The following WDR36 variants were observed in gnomAD, a reference collection of about 807,000 sequenced individuals.
The protein encoded by WDR36 is WD repeat-containing protein 36.
WDR36 carries 63 observed loss-of-function variants against 112.7 expected under a neutral mutation model. The observed-to-expected ratio is 0.56, with a 90% CI of 0.46 to 0.69. The LOEUF (loss-of-function observed/expected upper bound fraction) is 0.69, where lower values mean the gene tolerates loss of function less well. Ranked by LOEUF, WDR36 falls within the 30% of genes least tolerant of loss-of-function variation. WDR36 has a pLI of 0.00. For synonymous variants in WDR36, 410 were observed against 362.2 expected (o/e 1.13, Z -1.50); for missense variants, 1,226 against 1,070.3 (o/e 1.15, Z -2.03).
At chr5:111,095,226 A>C in intron 2 of WDR36, 1 of 341,658 alleles carries the variant, frequency 2.9e-6, no homozygotes, top group Admixed American at 4.4e-5. Flanking sequence ...CTCATTTAGA[A>C]TGTCCTTCAG....
Position 111,124,160 on chromosome 5 carries a change from A to C in WDR36, c.2321A>C (p.Lys774Thr). 2 of 1,612,706 alleles carry C rather than the reference A, an allele frequency of 1.2e-6. No individual in the cohort carries two copies. Among genetic ancestry groups the C allele is most frequent in the Non-Finnish European group, 1.7e-6 (2 of 1,179,458 alleles). ...VLAQKSDFCL[K>T]LEEGLVNNKY... ...GCTCAAAAATCAGATTTCTGCTTGA[A>C]ACTTGAAGAAGGACTGGTAAATAAT... Residue 774 changes from lysine to threonine, a missense_variant, in exon 21 of 23, where the codon AAA (lysine) becomes ACA (threonine). By Grantham distance (78) the Lys-to-Thr change is moderately conservative. Coordinates refer to ENST00000513710, the MANE Select transcript of WDR36 (RefSeq NM_139281.3).
At chr5:111,096,331 A>T (rs1752979436) in intron 2 of WDR36, among the ~76,000 whole-genome samples, 1 of 152,202 alleles carries the variant, frequency 6.6e-6, no homozygotes, top group African/African-American at 2.4e-5. Flanking sequence ...GGGTTGGTCC[A>T]AAGGGTAGAG....
intron 21 of WDR36, among the ~76,000 whole-genome samples, chr5:111,125,212 C>A (rs1360255740): frequency 6.6e-6 from 1 of 152,124 alleles, no homozygotes; most frequent in African/African-American, 2.4e-5. Context: ...AATTATTTTA[C>A]CTCATCAGAT....
chr5:111,099,100 T>C (rs1424548635), intron 4 of WDR36, among the ~76,000 whole-genome samples: 2 of 152,186 alleles, frequency 1.3e-5, no homozygotes, highest in Admixed American at 6.5e-5. Context: ...ACTTTAATGA[T>C]TTGTTGTATT....
At chr5:111,102,430 A>G (rs763076236) in intron 6 of WDR36, 31 bp downstream of exon 6, 4 of 1,597,302 alleles carry the variant, frequency 2.5e-6, no homozygotes, top group Non-Finnish European at 3.4e-6. Context: ...TCAAAGAGGA[A>G]CAAAGTTAAT....
chr5:111,102,359 C>T lies in WDR36; in HGVS notation c.557C>T (p.Thr186Ile). The change falls in exon 6 of 23, where the codon ACA becomes ATA. Residue 186 changes from threonine (T) to isoleucine (I), a missense_variant. Thr to Ile is a moderately conservative substitution (Grantham distance 89). Coordinates refer to ENST00000513710, the MANE Select transcript of WDR36 (RefSeq NM_139281.3). ...TCTTCTTGTAGTAAACTTCTATATACATTTCCAGGATGGAAAGTTGGAGTG... is the reference window on the plus strand; with the variant it reads ...TCTTCTTGTAGTAAACTTCTATATATATTTCCAGGATGGAAAGTTGGAGTG... ...WNVKSNKLLY[T>I]FPGWKVGVTA... The T allele has an allele frequency of 6.2e-7, 1 of 1,608,148 alleles. No homozygotes were observed. Among genetic ancestry groups the T allele is most frequent in the Non-Finnish European group, 8.5e-7 (1 of 1,176,866 alleles).
chr5:111,105,432 G>T, intron 10 of WDR36, 72 bp downstream of exon 10: 2 of 1,410,724 alleles, frequency 1.4e-6, no homozygotes, highest in Non-Finnish European at 2.0e-6. Flanking sequence ...ACAACTGGAG[G>T]AAGTTTCATC....
At chr5:111,102,740 A>G (rs17132783) in intron 6 of WDR36, among the ~76,000 whole-genome samples, 6,343 of 151,762 alleles carry the variant, frequency 0.042, 443 homozygotes, top group African/African-American at 0.14. Context: ...ATTGTAAGTC[A>G]TGTAGAGAAA....
In WDR36 at chr5:111,125,685, T is replaced by A. The variant is rs757738181; in HGVS notation, c.2428T>A (p.Cys810Ser). 2.5e-6 allele frequency: 4 copies of A among 1,613,786 alleles called. No individual in the cohort carries two copies. The highest frequency in any genetic ancestry group is 3.4e-6 in the Non-Finnish European group (4 of 1,179,878). ...AGAGCTGCGAAGCTTGTCTCCTGAT[T>A]GTGGTGGGTCCATAGAAGTTATGCA... ...ETELRSLSPD[C>S]GGSIEVMQSF... is the part of the protein sequence containing the mutation. Residue 810 changes from cysteine to serine, a missense_variant, in exon 22 of 23, where the codon TGT (cysteine) becomes AGT (serine). By Grantham distance (112) the Cys-to-Ser change is moderately radical. Transcript: ENST00000513710.
Position 111,128,840 on chromosome 5 carries a change from C to T in WDR36, c.*1957C>T, listed in dbSNP as rs1389952149. 1.1e-5 allele frequency: 2 copies of T among 186,330 alleles called. No homozygotes were observed. Among genetic ancestry groups the T allele is most frequent in the Admixed American group, 1.2e-4 (2 of 16,098 alleles). 11.5% of individuals were successfully genotyped at this position (186,330 alleles called of 1,614,324 possible). ...ACACTCTTTCAGTTTTTTAATTACT[C>T]ATGTAATATATGACTACATTTTGCT... On this transcript the variant is annotated 3_prime_UTR_variant, in exon 23 of 23. Transcript: ENST00000513710.
intron 22 of WDR36, among the ~76,000 whole-genome samples, chr5:111,126,469 T>G (rs1753680728): frequency 6.6e-6 from 1 of 152,158 alleles, no homozygotes. Context: ...CTTGATCTGA[T>G]TATTTAAAAG....
At chr5:111,122,242 A>T (rs12518809) in intron 19 of WDR36, among the ~76,000 whole-genome samples, 2,786 of 152,288 alleles carry the variant, frequency 0.018, 72 homozygotes, top group Admixed American at 0.075. Flanking sequence ...CAAATAGATT[A>T]GTGTGAGGGG....
chr5:111,107,315 G>T lies in WDR36; in HGVS notation c.1202G>T (p.Trp401Leu), dbSNP rs1472419826. The T allele has an allele frequency of 6.2e-7, 1 of 1,610,190 alleles. No homozygotes were observed. Among genetic ancestry groups the T allele is most frequent in the Non-Finnish European group, 8.5e-7 (1 of 1,177,486 alleles). Residue 401 changes from tryptophan (W) to leucine (L), a missense_variant, in exon 12 of 23, where the codon TGG (tryptophan) becomes TTG (leucine). Physicochemically the swap from Trp to Leu is moderately conservative, Grantham distance 61 (BLOSUM62 -2). Transcript: ENST00000513710. ...TTAGAGGAAGCTCGTGAAAGTGACT[G>T]GGATGGTATCATTGCTTGCCATCAA... is the stretch of plus-strand genomic sequence containing the variant. ...FAAEEARESD[W>L]DGIIACHQGK...
At position 111,104,079 on chromosome 5, in the gene WDR36, T is replaced by C. The variant is rs892056579; in HGVS notation, c.731-98T>C. The C allele has an allele frequency of 2.8e-6, 4 of 1,411,264 alleles. No individual in the cohort carries two copies. The African/African-American group carries it at 5.8e-5, about 20-fold the overall frequency. The allele number at this position is 1,411,264 out of a possible 1,614,324, so 87.4% of individuals were successfully genotyped here. A position where few individuals can be genotyped will look rare whatever the true frequency, so the allele number is the denominator to read the frequency against. On this transcript the variant is annotated intron_variant, in intron 7 of 22. Transcript: ENST00000513710. ...GAATAGATTATTGGTATATAGTTTT[T>C]TTCTAACTTTATGGATTAAAAGGGA...
chr5:111,104,117 T>A lies in WDR36; in HGVS notation c.731-60T>A, dbSNP rs1335618224. 2.7e-6 allele frequency: 4 copies of A among 1,496,294 alleles called. No homozygotes were observed. In the African/African-American group the frequency reaches 4.2e-5, roughly 16 times the overall value. 92.7% of individuals were successfully genotyped at this position (1,496,294 alleles called of 1,614,324 possible). On this transcript the variant is annotated intron_variant, in intron 7 of 22. Transcript: ENST00000513710. ...GGATTAAAAGGGAAGAGAGAAGAAT[T>A]CTTGTTTATTTTGGGGGATCTAGAA...
chr5:111,097,042 A>C, intron 2 of WDR36, 37 bp from the exon 3 acceptor site: 1 of 1,516,680 alleles, frequency 6.6e-7, no homozygotes, highest in South Asian at 1.1e-5. Context: ...TAACATCTTA[A>C]AAATCCCTGT....
At position 111,127,752 on chromosome 5, in the gene WDR36, G is replaced by A. The variant is rs956337245; in HGVS notation, c.*869G>A. 1.3e-4 allele frequency: 27 copies of A among 210,704 alleles called. No homozygotes were observed. The highest frequency in any genetic ancestry group is 4.3e-4 in the African/African-American group (19 of 44,112). The allele number at this position is 210,704 out of a possible 1,614,324, so 13.1% of individuals were successfully genotyped here. A position where few individuals can be genotyped will look rare whatever the true frequency, so the allele number is the denominator to read the frequency against. On this transcript the variant is annotated 3_prime_UTR_variant, in exon 23 of 23. Coordinates refer to ENST00000513710, the MANE Select transcript of WDR36 (RefSeq NM_139281.3). Reference sequence around the variant, plus strand: ...AGGGAAATTCCAAATTCCATTGGAAGATGGCCTTTTACTGACACTGCAGAC... The same window carrying A: ...AGGGAAATTCCAAATTCCATTGGAAAATGGCCTTTTACTGACACTGCAGAC...
intron 17 of WDR36, 41 bp downstream of exon 17, chr5:111,119,161 T>C (rs776508196): frequency 1.3e-6 from 2 of 1,502,692 alleles, no homozygotes; most frequent in Non-Finnish European, 1.9e-6. Flanking sequence ...ATGAAGAAGA[T>C]TGTATTGTCA....
At position 111,129,385 on chromosome 5, in the gene WDR36, A is replaced by T. The variant is rs1753741314; in HGVS notation, c.*2502A>T. 5.2e-6 allele frequency: 1 copy of T among 192,600 alleles called. No individual in the cohort carries two copies. Among genetic ancestry groups the T allele is most frequent in the Non-Finnish European group, 1.1e-5 (1 of 92,254 alleles). 11.9% of individuals were successfully genotyped at this position (192,600 alleles called of 1,614,324 possible). A position where few individuals can be genotyped will look rare whatever the true frequency, so the allele number is the denominator to read the frequency against. On this transcript the variant is annotated 3_prime_UTR_variant, in exon 23 of 23. Coordinates refer to ENST00000513710, the MANE Select transcript of WDR36 (RefSeq NM_139281.3). ...GCAAGATATGAGCATCTGCTTCCCC[A>T]TGTAATTAATGACACTTGCTATTGG...
Sources: allele counts gnomAD v4.1 joint callset (sites outside exome capture counted in the v4.1 genomes callset), GRCh38; gene constraint gnomAD v4.1.1; transcripts MANE v1.5; gene names NCBI Gene and HGNC (gene_info 2026-07-23, HGNC 2026-07-21).